PLEKHH2: variants seen among roughly 807,000 people sequenced by gnomAD.
PLEKHH2 encodes the protein pleckstrin homology domain-containing family H member 2.
PLEKHH2 carries 129 observed loss-of-function variants against 187.9 expected under a neutral mutation model. The ratio of observed to expected loss-of-function variants is 0.69; its 90% CI spans 0.59 to 0.79. The LOEUF is 0.79. Among genes scored for constraint, PLEKHH2 ranks in the 30% least tolerant of loss-of-function variants. PLEKHH2 has a pLI of 0.00. For missense variants in PLEKHH2, 2,076 were observed against 1,751.2 expected (o/e 1.19, Z -3.31); for synonymous variants, 686 against 605.6 (o/e 1.13, Z -1.95).
chr2:43,753,419 C>A, intron 24 of PLEKHH2, among the ~76,000 whole-genome samples, 200 bp from the exon 25 acceptor site: 1 of 152,174 alleles, frequency 6.6e-6, no homozygotes, highest in East Asian at 1.9e-4. Context: ...TTCTCAACCT[C>A]AACCTCAAAG....
At chr2:43,764,076 G>C (rs1446218037) in intron 28 of PLEKHH2, 152 bp from the exon 29 acceptor site, 8 of 448,402 alleles carry the variant, frequency 1.8e-5, no homozygotes, top group Non-Finnish European at 1.9e-5. Flanking sequence ...TATCTATTTT[G>C]GATCATAATA....
chr2:43,749,688 G>A (rs1199177333), intron 24 of PLEKHH2, among the ~76,000 whole-genome samples: 4 of 152,220 alleles, frequency 2.6e-5, no homozygotes, highest in Non-Finnish European at 5.9e-5. Context: ...CTATGAGAAA[G>A]TAATGTTTCT....
intron 20 of PLEKHH2, 198 bp from the exon 21 acceptor site, chr2:43,740,748 A>T: frequency 1.0e-6 from 1 of 971,588 alleles, no homozygotes; most frequent in Non-Finnish European, 1.3e-6. Context: ...ACACACAACT[A>T]GATGGATCAT....
intron 17 of PLEKHH2, among the ~76,000 whole-genome samples, chr2:43,726,721 T>G (rs1036833593): frequency 3.3e-5 from 5 of 152,138 alleles, no homozygotes; most frequent in African/African-American, 1.2e-4. Context: ...TGTGGATCTC[T>G]CAGATTGAAC....
chr2:43,720,868 T>G (rs1280544400), intron 16 of PLEKHH2, 119 bp downstream of exon 16: 2 of 1,402,520 alleles, frequency 1.4e-6, no homozygotes, highest in African/African-American at 1.4e-5. Flanking sequence ...AGGTTGAAAT[T>G]TGGTATAATT....
intron 11 of PLEKHH2, among the ~76,000 whole-genome samples, chr2:43,708,190 G>T (rs1273448107): frequency 1.3e-5 from 2 of 152,148 alleles, no homozygotes; most frequent in South Asian, 2.1e-4. Flanking sequence ...AGCTTCCACT[G>T]GTCTTCTTGC....
chr2:43,675,427 T>C (rs1667697994), intron 2 of PLEKHH2: 4 of 1,608,702 alleles, frequency 2.5e-6, no homozygotes, highest in Middle Eastern at 1.7e-4. Context: ...GTCATTGAAA[T>C]AGTGTCCAAA....
chr2:43,696,679 C>A (rs1572572960), intron 6 of PLEKHH2, among the ~76,000 whole-genome samples: 1 of 151,904 alleles, frequency 6.6e-6, no homozygotes, highest in South Asian at 2.1e-4. Context: ...TGGCTGAAAA[C>A]TAAGATAAGC....
Position 43,709,996 on chromosome 2 carries a change from C to T in PLEKHH2, c.1973C>T (p.Ser658Phe), listed in dbSNP as rs752190489. 1.2e-5 allele frequency: 19 copies of T among 1,608,316 alleles called. No homozygotes were observed. The East Asian group carries it at 2.9e-4, about 25-fold the overall frequency. ...TCTTTCTTTGTTCTCTTAGGTGTGT[C>T]TCTCTCCTCTGTGGCTTCTGAAAGT... is the stretch of plus-strand genomic sequence containing the variant. ...GSPRAMKRGV[S>F]LSSVASESDY... Residue 658 changes from serine (S) to phenylalanine (F), a missense_variant, in exon 12 of 30, where the codon TCT becomes TTT. Transcript: ENST00000282406.
intron 24 of PLEKHH2, among the ~76,000 whole-genome samples, chr2:43,749,599 C>G (rs1671926256): frequency 6.6e-6 from 1 of 152,176 alleles, no homozygotes; most frequent in Non-Finnish European, 1.5e-5. Context: ...ATGACAATGT[C>G]TTTGACAGCA....
chr2:43,658,299 A>G (rs1239470002), intron 2 of PLEKHH2, among the ~76,000 whole-genome samples: 1 of 152,244 alleles, frequency 6.6e-6, no homozygotes, highest in Non-Finnish European at 1.5e-5. Context: ...ATTAAATGAT[A>G]CATGAATTGT....
intron 15 of PLEKHH2, 139 bp downstream of exon 15, chr2:43,712,522 T>C (rs763446152): frequency 2.0e-6 from 2 of 999,866 alleles, no homozygotes; most frequent in Non-Finnish European, 1.4e-6. Context: ...TTTTTAAGTA[T>C]GATGCCCAAG....
intron 24 of PLEKHH2, 142 bp downstream of exon 24, chr2:43,746,105 A>G (rs1236968498): frequency 9.9e-6 from 5 of 503,878 alleles, no homozygotes; most frequent in Non-Finnish European, 9.8e-6. Context: ...CTCTGTTTCT[A>G]TAGGAAAAAA....
intron 27 of PLEKHH2, among the ~76,000 whole-genome samples, chr2:43,759,418 G>C (rs1463527740): frequency 6.6e-6 from 1 of 152,182 alleles, no homozygotes; most frequent in Non-Finnish European, 1.5e-5. Flanking sequence ...GTTTCAGATG[G>C]ATTGTACATG....
intron 2 of PLEKHH2, among the ~76,000 whole-genome samples, chr2:43,648,780 A>G (rs1336762931): frequency 2.0e-5 from 3 of 151,188 alleles, no homozygotes; most frequent in African/African-American, 4.9e-5. Context: ...GGGTTTCACC[A>G]TGTTGGCCAG....
intron 19 of PLEKHH2, among the ~76,000 whole-genome samples, chr2:43,735,184 T>A (rs1490175377): frequency 6.6e-6 from 1 of 151,880 alleles, no homozygotes; most frequent in African/African-American, 2.4e-5. Flanking sequence ...AGCAAGACTC[T>A]GTCTCAAAAA....
At chr2:43,712,527 C>T (rs1670017869) in intron 15 of PLEKHH2, 144 bp downstream of exon 15, 2 of 895,492 alleles carry the variant, frequency 2.2e-6, no homozygotes, top group Non-Finnish European at 1.6e-6. Flanking sequence ...AAGTATGATG[C>T]CCAAGGCAAA....
chr2:43,686,273 C>T (rs964073440), intron 3 of PLEKHH2, among the ~76,000 whole-genome samples: 3 of 151,934 alleles, frequency 2.0e-5, no homozygotes, highest in East Asian at 1.9e-4. Context: ...CCTGGCTCAC[C>T]GCAGCCTCTG....
intron 20 of PLEKHH2, among the ~76,000 whole-genome samples, chr2:43,738,873 T>C (rs148629612): frequency 1.2e-3 from 189 of 152,300 alleles, no homozygotes; most frequent in African/African-American, 4.2e-3. Context: ...TTTCCTATAA[T>C]AAATACCTCT....
Sources: allele counts gnomAD v4.1 joint callset (sites outside exome capture counted in the v4.1 genomes callset), GRCh38; gene constraint gnomAD v4.1.1; transcripts MANE v1.5; gene names NCBI Gene and HGNC (gene_info 2026-07-23, HGNC 2026-07-21).